The following CD46 variants were observed in gnomAD, a reference collection of about 807,000 sequenced individuals.
CD46 encodes membrane cofactor protein.
Under a neutral mutation model 53.3 loss-of-function variants are expected in CD46, and 30 were observed. That is an observed-to-expected ratio of 0.56 (90% confidence interval 0.42 to 0.76). CD46 has a LOEUF of 0.76. Among genes scored for constraint, CD46 ranks in the 30% least tolerant of loss-of-function variants. The pLI is 0.00. For missense variants in CD46, 409 were observed against 463.0 expected (o/e 0.88, Z 1.07); for synonymous variants, 142 against 152.0 (o/e 0.93, Z 0.48).
chr1:207,776,297 G>A (rs938888648), intron 8 of CD46, among the ~76,000 whole-genome samples: 2 of 152,228 alleles, frequency 1.3e-5, no homozygotes, highest in African/African-American at 4.8e-5. Flanking sequence ...CCTTGGCTAG[G>A]AAAGGGAAAT....
At chr1:207,783,604 G>C (rs1476275540) in intron 9 of CD46, 1 of 269,436 alleles carries the variant, frequency 3.7e-6, no homozygotes, top group Non-Finnish European at 7.1e-6. Flanking sequence ...TATTTTTTCT[G>C]TAACACGCTG....
chr1:207,792,458 G>A (rs770015124), intron 12 of CD46, among the ~76,000 whole-genome samples: 2 of 152,104 alleles, frequency 1.3e-5, no homozygotes, highest in Non-Finnish European at 2.9e-5. Context: ...GAACCAACCC[G>A]TTTACGCCTG....
intron 12 of CD46, among the ~76,000 whole-genome samples, chr1:207,792,944 A>G (rs537469359): frequency 1.8e-4 from 27 of 152,346 alleles, no homozygotes; most frequent in Admixed American, 1.7e-3. Context: ...GGCTTCTGGA[A>G]AATTTTAAAT....
chr1:207,771,637 C>T (rs560541809), intron 8 of CD46, among the ~76,000 whole-genome samples: 6 of 152,224 alleles, frequency 3.9e-5, no homozygotes, highest in Admixed American at 2.6e-4. Context: ...TTCCCAGCAC[C>T]GTTTATTAAA....
chr1:207,789,042 C>G (rs1313955922), intron 11 of CD46, among the ~76,000 whole-genome samples: 1 of 152,208 alleles, frequency 6.6e-6, no homozygotes, highest in African/African-American at 2.4e-5. Flanking sequence ...GTCTTGGAAG[C>G]CACAGCCCTG....
intron 5 of CD46, 131 bp from the exon 6 acceptor site, chr1:207,766,882 T>C (rs1380201267): frequency 1.3e-5 from 9 of 700,086 alleles, no homozygotes; most frequent in South Asian, 1.7e-5. Flanking sequence ...ACATTTAAAG[T>C]CTTTTAAAAA....
intron 8 of CD46, among the ~76,000 whole-genome samples, chr1:207,776,595 A>C (rs1462989800): frequency 6.6e-6 from 1 of 152,162 alleles, no homozygotes; most frequent in Non-Finnish European, 1.5e-5. Context: ...ATCTTGTTTT[A>C]ATTTGCATTT....
intron 3 of CD46, 51 bp downstream of exon 3, chr1:207,757,693 G>C (rs760390485): frequency 1.7e-6 from 2 of 1,194,770 alleles, no homozygotes; most frequent in Non-Finnish European, 2.4e-6. Context: ...TTTTATTTTT[G>C]TTTTGCTTCT....
intron 8 of CD46, among the ~76,000 whole-genome samples, chr1:207,781,787 T>G (rs1194612175): frequency 1.3e-5 from 2 of 152,238 alleles, no homozygotes; most frequent in Non-Finnish European, 2.9e-5. Context: ...TCTGTATGTC[T>G]GCCTTTTTGT....
At chr1:207,792,864 A>G (rs952065781) in intron 12 of CD46, among the ~76,000 whole-genome samples, 5 of 152,222 alleles carry the variant, frequency 3.3e-5, no homozygotes, top group Admixed American at 6.5e-5. Flanking sequence ...TGTAAAATAC[A>G]TCTCAATATT....
chr1:207,787,274 G>C (rs1375566319), intron 11 of CD46, among the ~76,000 whole-genome samples: 1 of 152,176 alleles, frequency 6.6e-6, no homozygotes, highest in Non-Finnish European at 1.5e-5. Flanking sequence ...GTTTCACCAT[G>C]TTGGTCAGGC....
intron 1 of CD46, 97 bp from the exon 2 acceptor site, chr1:207,756,917 C>A: frequency 1.0e-6 from 1 of 990,172 alleles, no homozygotes; most frequent in Non-Finnish European, 1.6e-6. Flanking sequence ...AAGGGCCTTT[C>A]TGTTTTTTCT....
chr1:207,752,394 G>A lies in CD46; in HGVS notation c.97+85G>A, dbSNP rs1655021959. On this transcript the variant is annotated intron_variant, in intron 1 of 12. Coordinates refer to ENST00000367042, the MANE Select transcript of CD46 (RefSeq NM_172351.3). The surrounding 1 kb of genome is among the most constrained non-coding windows in gnomAD (Gnocchi z 4.1). Reference sequence around the variant, plus strand: ...CAAGAGTCGCGGGGCGGGGCTCACAGCAGGCCGTGCCTGTTTGGGGACAGG... The same window carrying A: ...CAAGAGTCGCGGGGCGGGGCTCACAACAGGCCGTGCCTGTTTGGGGACAGG... 7.1e-6 allele frequency: 9 copies of A among 1,270,372 alleles called. No individual in the cohort carries two copies. Among genetic ancestry groups the A allele is most frequent in the Non-Finnish European group, 9.2e-6 (8 of 872,332 alleles). The allele number at this position is 1,270,372 out of a possible 1,614,324, so 78.7% of individuals were successfully genotyped here.
chr1:207,757,347 A>C (rs569065447), intron 2 of CD46, 145 bp downstream of exon 2: 24 of 902,422 alleles, frequency 2.7e-5, no homozygotes, highest in Non-Finnish European at 3.7e-5. Flanking sequence ...GCTTTGAGAA[A>C]TCAAAATCTC....
At chr1:207,773,086 T>C (rs1657697625) in intron 8 of CD46, among the ~76,000 whole-genome samples, 1 of 152,230 alleles carries the variant, frequency 6.6e-6, no homozygotes, top group African/African-American at 2.4e-5. Flanking sequence ...AACCTGTTAT[T>C]GGTCTATTCA....
chr1:207,759,948 T>C (rs1655996714), intron 4 of CD46: 2 of 408,460 alleles, frequency 4.9e-6, no homozygotes, highest in South Asian at 5.2e-5. Flanking sequence ...GGTCTCAGGC[T>C]ATTTCCCAGG....
intron 9 of CD46, chr1:207,783,767 G>A (rs1251614953): frequency 6.5e-6 from 1 of 154,452 alleles, no homozygotes; most frequent in African/African-American, 2.4e-5. Context: ...GACTAGTTTG[G>A]TAATGGTTAA....
chr1:207,778,825 G>A (rs1181538508), intron 8 of CD46, among the ~76,000 whole-genome samples: 1 of 152,148 alleles, frequency 6.6e-6, no homozygotes, highest in Admixed American at 6.5e-5. Flanking sequence ...TGTGAAGAAT[G>A]TCGTTGGTAG....
intron 1 of CD46, among the ~76,000 whole-genome samples, chr1:207,756,807 C>A (rs1280313806): frequency 6.6e-6 from 1 of 152,168 alleles, no homozygotes. Context: ...CCAAACAAAC[C>A]AAAAGCTAAT....
Sources: allele counts gnomAD v4.1 joint callset (sites outside exome capture counted in the v4.1 genomes callset), GRCh38; gene constraint gnomAD v4.1.1; non-coding constraint Gnocchi (gnomAD v3.1); transcripts MANE v1.5; gene names NCBI Gene and HGNC (gene_info 2026-07-23, HGNC 2026-07-21).